Variants in NCOA7 observed in about 807,000 individuals in gnomAD.
The protein encoded by NCOA7 is 140 kDa estrogen receptor-associated protein.
A neutral mutation model predicts 104.3 loss-of-function variants in NCOA7; 45 were observed. The observed-to-expected ratio is 0.43, with a 90% CI of 0.34 to 0.55. NCOA7 has a LOEUF of 0.55. Ranked by LOEUF, NCOA7 falls within the 20% of genes least tolerant of loss-of-function variation. NCOA7 has a pLI of 0.02. For missense variants in NCOA7, 1,041 were observed against 1,119.7 expected (o/e 0.93, Z 1.00); for synonymous variants, 398 against 402.3 (o/e 0.99, Z 0.13).
intron 1 of NCOA7, among the ~76,000 whole-genome samples, chr6:125,812,144 G>C (rs188343208): frequency 6.6e-6 from 1 of 152,278 alleles, no homozygotes; most frequent in East Asian, 1.9e-4. Context: ...TGGTAGGCAG[G>C]CATCAAGATT....
chr6:125,928,693 C>CA lies in NCOA7; in HGVS notation c.2752dup (p.Ser918LysfsTer5). The CA allele has an allele frequency of 6.2e-7, 1 of 1,613,178 alleles. No homozygotes were observed. Among genetic ancestry groups the CA allele is most frequent in the East Asian group, 2.2e-5 (1 of 44,844 alleles). On this transcript the variant is annotated frameshift_variant, in exon 16 of 16. Coordinates refer to ENST00000392477, the MANE Select transcript of NCOA7 (RefSeq NM_181782.5). LOFTEE classifies it high-confidence loss of function. Reference sequence around the variant, plus strand: ...TATACCACGGACGAAGCAACTCTTGCAGCACTTTCAATAATGATATTCTTT... The same window carrying CA: ...TATACCACGGACGAAGCAACTCTTGCAAGCACTTTCAATAATGATATTCTTT...
At chr6:125,893,509 C>T (rs1196873939) in intron 10 of NCOA7, among the ~76,000 whole-genome samples, 1 of 152,130 alleles carries the variant, frequency 6.6e-6, no homozygotes, top group Admixed American at 6.5e-5. Context: ...CCAAATCTCT[C>T]CTTCTTTATT....
chr6:125,826,882 G>A (rs1299620158), intron 2 of NCOA7, among the ~76,000 whole-genome samples: 3 of 152,080 alleles, frequency 2.0e-5, no homozygotes, highest in African/African-American at 7.2e-5. Flanking sequence ...TCACCCCATG[G>A]TGGAAGGTGG....
chr6:125,816,836 A>G (rs1404868649), intron 2 of NCOA7, among the ~76,000 whole-genome samples: 2 of 152,182 alleles, frequency 1.3e-5, no homozygotes, highest in African/African-American at 4.8e-5. Flanking sequence ...ATGCAGTTAT[A>G]TCACATGTAG....
chr6:125,921,270 C>T (rs146395680), intron 12 of NCOA7, among the ~76,000 whole-genome samples: 6 of 152,206 alleles, frequency 3.9e-5, no homozygotes, highest in African/African-American at 1.2e-4. Flanking sequence ...ATTGGCCGGG[C>T]GTGATGGCAC....
Position 125,887,350 on chromosome 6 carries a change from T to G in NCOA7, c.885-1589T>G, listed in dbSNP as rs896903927. Among the ~76,000 whole-genome samples the G allele has an allele frequency of 3.9e-4, 59 of 152,206 alleles. 2 individuals carry two copies. Among genetic ancestry groups the G allele is most frequent in the Non-Finnish European group, 2.9e-5 (2 of 68,036 alleles). ...GAGATTATGCTACATTTCACTAACT[T>G]GTTTGACTCTAGGATGGAAGCATTT... On this transcript the variant is annotated intron_variant, in intron 8 of 15. Transcript: ENST00000392477.
Position 125,859,530 on chromosome 6 carries a change from A to T in NCOA7, c.271+4290A>T, listed in dbSNP as rs577341272. On this transcript the variant is annotated intron_variant, in intron 3 of 15. Transcript: ENST00000392477. ...TAGGAGGATATGTAACAATATGTTG[A>T]TAGTTGTTTTCTCTGGTTACAGAAA... is the stretch of plus-strand genomic sequence containing the variant. Among the ~76,000 whole-genome samples, 26 of 152,336 alleles carry T rather than the reference A, an allele frequency of 1.7e-4. No individual in the cohort carries two copies. The South Asian group carries it at 5.4e-3, about 32-fold the overall frequency.
intron 2 of NCOA7, among the ~76,000 whole-genome samples, chr6:125,828,628 A>G (rs1466606057): frequency 1.3e-5 from 2 of 152,216 alleles, no homozygotes; most frequent in East Asian, 3.8e-4. Flanking sequence ...GGGATCCCTC[A>G]GGGATGTCCA....
chr6:125,781,917 A>C (rs893633999), intron 1 of NCOA7, among the ~76,000 whole-genome samples: 2 of 152,198 alleles, frequency 1.3e-5, no homozygotes, highest in Non-Finnish European at 2.9e-5. Context: ...GCAACTATAG[A>C]ACATTGAACA....
intron 2 of NCOA7, among the ~76,000 whole-genome samples, chr6:125,847,232 T>G (rs1780697839): frequency 6.6e-6 from 1 of 152,218 alleles, no homozygotes. Context: ...CTCTAATCTC[T>G]TGCAAATAGG....
intron 7 of NCOA7, 111 bp from the exon 8 acceptor site, chr6:125,885,048 C>CTGTGGTTCACTTTG: frequency 9.6e-7 from 1 of 1,045,346 alleles, no homozygotes; most frequent in Non-Finnish European, 1.4e-6. Flanking sequence ...ACATAGGATA[C>CTGTGGTTCACTTTG]TGTGGTTCAC....
intron 1 of NCOA7, among the ~76,000 whole-genome samples, chr6:125,782,168 T>G (rs1469995979): frequency 6.6e-6 from 1 of 152,224 alleles, no homozygotes; most frequent in Non-Finnish European, 1.5e-5. Flanking sequence ...AATATTAAAC[T>G]TAATTTTGCT....
rs1244571136 is a variant in NCOA7, at chr6:125,928,898, A to G, written c.*127A>G. 3 of 978,888 alleles carry G rather than the reference A, an allele frequency of 3.1e-6. No individual in the cohort carries two copies. In the African/African-American group the frequency reaches 5.0e-5, roughly 16 times the overall value. The allele number at this position is 978,888 out of a possible 1,614,324, so 60.6% of individuals were successfully genotyped here. A position where few individuals can be genotyped will look rare whatever the true frequency, so the allele number is the denominator to read the frequency against. ...ACCCCAATGCTTCCTTTCTGCCATC[A>G]TCTCAGAGCATGATCACATTGCAGA... On this transcript the variant is annotated 3_prime_UTR_variant, in exon 16 of 16. Coordinates refer to ENST00000392477, the MANE Select transcript of NCOA7 (RefSeq NM_181782.5).
intron 1 of NCOA7, among the ~76,000 whole-genome samples, chr6:125,784,987 AACACACACACACAC>A (rs3084325): frequency 1.3e-5 from 2 of 148,300 alleles, no homozygotes; most frequent in Non-Finnish European, 1.5e-5. Context: ...GTTGCATATA[AACACACACACACAC>A]ACACACACAC....
chr6:125,850,020 G>A (rs772964515), intron 2 of NCOA7, among the ~76,000 whole-genome samples: 34 of 152,076 alleles, frequency 2.2e-4, no homozygotes, highest in Non-Finnish European at 4.3e-4. Flanking sequence ...GTTAATGATA[G>A]CAAATCCGTA....
rs1319036269 is a variant in NCOA7, at chr6:125,928,902, C to A, written c.*131C>A. The A allele has an allele frequency of 2.1e-6, 2 of 968,676 alleles. No individual in the cohort carries two copies. Among genetic ancestry groups the A allele is most frequent in the African/African-American group, 1.7e-5 (1 of 59,680 alleles). 60.0% of individuals were successfully genotyped at this position (968,676 alleles called of 1,614,324 possible). On this transcript the variant is annotated 3_prime_UTR_variant, in exon 16 of 16. Transcript: ENST00000392477. ...CAATGCTTCCTTTCTGCCATCATCT[C>A]AGAGCATGATCACATTGCAGAAAGA...
At chr6:125,836,163 G>A (rs1383684856) in intron 2 of NCOA7, among the ~76,000 whole-genome samples, 1 of 152,132 alleles carries the variant, frequency 6.6e-6, no homozygotes, top group Non-Finnish European at 1.5e-5. Context: ...ACTCAATTTA[G>A]TGTTTAATAC....
intron 10 of NCOA7, among the ~76,000 whole-genome samples, chr6:125,910,722 C>T (rs974265998): frequency 7.2e-5 from 11 of 152,224 alleles, no homozygotes; most frequent in African/African-American, 2.7e-4. Context: ...CCTGTGGCTT[C>T]GCCTGTACAC....
chr6:125,843,326 G>A (rs1287168345), intron 2 of NCOA7, among the ~76,000 whole-genome samples: 2 of 152,130 alleles, frequency 1.3e-5, no homozygotes, highest in African/African-American at 4.8e-5. Context: ...TAATGGGGAG[G>A]ATGGCCCTGT....
Sources: gnomAD v4.1 joint callset for allele counts (sites outside exome capture counted in the v4.1 genomes callset) on GRCh38, gnomAD v4.1.1 for gene constraint, MANE v1.5 for transcripts, NCBI Gene and HGNC (gene_info 2026-07-23, HGNC 2026-07-21) for gene names.